Variants in JAKMIP2 observed in about 807,000 individuals in gnomAD.
The protein encoded by JAKMIP2 is janus kinase and microtubule-interacting protein 2.
JAKMIP2 carries 25 observed loss-of-function variants against 115.0 expected under a neutral mutation model. The ratio of observed to expected loss-of-function variants is 0.22; its 90% CI spans 0.16 to 0.30. The LOEUF is 0.30. Ranked by LOEUF, JAKMIP2 falls within the 10% of genes least tolerant of loss-of-function variation. The pLI, the probability that JAKMIP2 is intolerant of heterozygous loss-of-function variation, is 1.00. For missense variants in JAKMIP2, 642 were observed against 957.6 expected, an observed-to-expected ratio of 0.67 and a Z score of 4.35; for synonymous variants, 334 against 343.6, an observed-to-expected ratio of 0.97 and a Z score of 0.31.
intron 12 of JAKMIP2, among the ~76,000 whole-genome samples, chr5:147,635,762 T>C (rs958329438): frequency 2.0e-5 from 3 of 152,140 alleles, no homozygotes; most frequent in Non-Finnish European, 2.9e-5. Context: ...GGTTTCACCA[T>C]GTTGGCCAGG....
intron 1 of JAKMIP2, among the ~76,000 whole-genome samples, chr5:147,715,921 G>T (rs1752964109): frequency 7.1e-6 from 1 of 141,198 alleles, no homozygotes; most frequent in African/African-American, 2.7e-5. Flanking sequence ...GTATACATGT[G>T]CCATGCTGGT....
At chr5:147,721,724 C>T (rs538375951) in intron 1 of JAKMIP2, among the ~76,000 whole-genome samples, 2 of 152,120 alleles carry the variant, frequency 1.3e-5, no homozygotes, top group African/African-American at 4.8e-5. Context: ...ACGGTGCGCG[C>T]ACCCACTGAC....
At chr5:147,649,147 A>G (rs1199985237) in intron 4 of JAKMIP2, among the ~76,000 whole-genome samples, 3 of 152,198 alleles carry the variant, frequency 2.0e-5, no homozygotes, top group Non-Finnish European at 4.4e-5. Context: ...TGTTATTATC[A>G]TATGCTAACA....
intron 1 of JAKMIP2, among the ~76,000 whole-genome samples, chr5:147,750,689 C>A (rs1257651224): frequency 6.6e-6 from 1 of 151,986 alleles, no homozygotes; most frequent in Non-Finnish European, 1.5e-5. Context: ...AAGCCTTAAC[C>A]CCGATCCCAA....
Position 147,635,620 on chromosome 5 carries a change from T to C in JAKMIP2, c.1677+602A>G, listed in dbSNP as rs60574061. ...CTTGTTGCCCGGGCTGGAGTGCAAT[T>C]GCGCAATCTCAGCTCACTGCAACCT... On this transcript the variant is annotated intron_variant, in intron 12 of 21. Coordinates refer to ENST00000616793, the MANE Select transcript of JAKMIP2 (RefSeq NM_001270941.2). Among the ~76,000 whole-genome samples, 17 of 152,226 alleles carry C rather than the reference T, an allele frequency of 1.1e-4. No individual in the cohort carries two copies. In the East Asian group the frequency reaches 2.5e-3, roughly 23 times the overall value.
chr5:147,655,132 G>T (rs193109796), intron 3 of JAKMIP2, among the ~76,000 whole-genome samples: 1 of 152,124 alleles, frequency 6.6e-6, no homozygotes, highest in African/African-American at 2.4e-5. Context: ...TTTTCACATC[G>T]ATGTTCATCA....
intron 12 of JAKMIP2, among the ~76,000 whole-genome samples, chr5:147,633,347 GA>G (rs1310186479): frequency 2.0e-5 from 3 of 152,080 alleles, no homozygotes; most frequent in Admixed American, 6.5e-5. Flanking sequence ...GCAAACACTA[GA>G]ATCTAGGAAC....
Position 147,661,038 on chromosome 5 carries a change from G to A in JAKMIP2, c.537C>T (p.Ile179=), listed in dbSNP as rs1205060325. The change falls in exon 3 of 22, where the codon ATC becomes ATT. Residue 179 remains isoleucine (I), a synonymous_variant. Coordinates refer to ENST00000616793, the MANE Select transcript of JAKMIP2 (RefSeq NM_001270941.2). ...ALSNMIQADK[I]KAGDLRSEHQ... is the part of the protein sequence containing the mutation. Reference sequence around the variant, plus strand: ...GCTCACTCCGAAGGTCCCCAGCCTTGATTTTATCTGCTTGGATCATATTGC... The same window carrying A: ...GCTCACTCCGAAGGTCCCCAGCCTTAATTTTATCTGCTTGGATCATATTGC... The A allele has an allele frequency of 6.2e-7, 1 of 1,613,956 alleles. No individual in the cohort carries two copies.
At position 147,587,969 on chromosome 5, in the gene JAKMIP2, T is replaced by A. The variant is rs1754944456; in HGVS notation, c.*3738A>T. ...GCCAAAAAAAAAAAAAAAAATTAAA[T>A]CAAGATCTATTCTTCCACCCCTAAA... is the stretch of plus-strand genomic sequence containing the variant. On this transcript the variant is annotated 3_prime_UTR_variant, in exon 22 of 22. Coordinates refer to ENST00000616793, the MANE Select transcript of JAKMIP2 (RefSeq NM_001270941.2). 1 of 149,516 alleles carries A rather than the reference T, an allele frequency of 6.7e-6. No individual in the cohort carries two copies. The allele number at this position is 149,516 out of a possible 1,614,324, so 9.3% of individuals were successfully genotyped here. A position where few individuals can be genotyped will look rare whatever the true frequency, so the allele number is the denominator to read the frequency against.
chr5:147,649,578 C>T (rs993848695), intron 4 of JAKMIP2, among the ~76,000 whole-genome samples: 2 of 152,032 alleles, frequency 1.3e-5, no homozygotes, highest in Non-Finnish European at 2.9e-5. Context: ...AGTGTCAGAA[C>T]TAAAACTTAC....
At chr5:147,771,025 T>C (rs148813100) in intron 1 of JAKMIP2, among the ~76,000 whole-genome samples, 4 of 152,248 alleles carry the variant, frequency 2.6e-5, no homozygotes, top group Non-Finnish European at 5.9e-5. Context: ...TTCTTGAATG[T>C]AGATTTAAGC....
intron 3 of JAKMIP2, among the ~76,000 whole-genome samples, chr5:147,651,100 G>A (rs1758375010): frequency 1.3e-5 from 2 of 152,032 alleles, no homozygotes; most frequent in South Asian, 4.1e-4. Flanking sequence ...TCCTTCCACG[G>A]TTCATGTGTT....
intron 1 of JAKMIP2, among the ~76,000 whole-genome samples, chr5:147,723,653 T>C (rs2126950128): frequency 6.6e-6 from 1 of 152,340 alleles, no homozygotes. Flanking sequence ...CTCTTCTGTG[T>C]CTTTCGACAT....
chr5:147,715,971 T>A (rs1752967969), intron 1 of JAKMIP2, among the ~76,000 whole-genome samples: 1 of 139,166 alleles, frequency 7.2e-6, no homozygotes, highest in Non-Finnish European at 1.5e-5. Flanking sequence ...ATTAGGTATA[T>A]CTCCCAATGC....
chr5:147,628,961 T>C lies in JAKMIP2; in HGVS notation c.1930-145A>G, dbSNP rs868810988. The C allele has an allele frequency of 3.1e-5, 18 of 574,578 alleles. No individual in the cohort carries two copies. In the Middle Eastern group the frequency reaches 1.4e-3, roughly 43 times the overall value. 35.6% of individuals were successfully genotyped at this position (574,578 alleles called of 1,614,324 possible). A position where few individuals can be genotyped will look rare whatever the true frequency, so the allele number is the denominator to read the frequency against. On this transcript the variant is annotated intron_variant, in intron 15 of 21. Transcript: ENST00000616793. ...TTCCTATTCTGTTTAGTAATAATTCTGAACAAAGAGTTAATCAAAACCCGG... is the reference window on the plus strand; with the variant it reads ...TTCCTATTCTGTTTAGTAATAATTCCGAACAAAGAGTTAATCAAAACCCGG...
At chr5:147,634,646 C>A (rs528039925) in intron 12 of JAKMIP2, among the ~76,000 whole-genome samples, 1 of 152,286 alleles carries the variant, frequency 6.6e-6, no homozygotes, top group South Asian at 2.1e-4. Context: ...TTTATAGGGT[C>A]GCTTAACCTT....
intron 1 of JAKMIP2, among the ~76,000 whole-genome samples, chr5:147,718,601 T>A (rs931259143): frequency 6.6e-6 from 1 of 151,544 alleles, no homozygotes; most frequent in African/African-American, 2.4e-5. Context: ...GAGGAATTTA[T>A]CCATTTCTTC....
rs1025478649 is a variant in JAKMIP2 at position 147,663,911 on chromosome 5, C to T, written c.130-2466G>A. On this transcript the variant is annotated intron_variant, in intron 2 of 21. Transcript: ENST00000616793. ...ACTTGTGCTTGTCCTATGTGGCATC[C>T]GCTAGTTACCATACTGCAAATTTGA... Among the ~76,000 whole-genome samples the T allele has an allele frequency of 4.6e-5, 7 of 152,206 alleles. No homozygotes were observed. The East Asian group carries it at 1.2e-3, about 25-fold the overall frequency.
chr5:147,755,346 C>T (rs1754707192), intron 1 of JAKMIP2, among the ~76,000 whole-genome samples: 1 of 152,080 alleles, frequency 6.6e-6, no homozygotes, highest in African/African-American at 2.4e-5. Context: ...AAAATGATGT[C>T]TCCTGTCTCC....
Sources: allele counts gnomAD v4.1 joint callset (sites outside exome capture counted in the v4.1 genomes callset), GRCh38; gene constraint gnomAD v4.1.1; transcripts MANE v1.5; gene names NCBI Gene and HGNC (gene_info 2026-07-23, HGNC 2026-07-21).